Variants in FAM91A1 observed in about 807,000 individuals in gnomAD.
The protein encoded by FAM91A1 is protein FAM91A1.
A neutral mutation model predicts 113.5 loss-of-function variants in FAM91A1; 41 were observed. That is an observed-to-expected ratio of 0.36 (90% CI 0.28 to 0.47). The LOEUF (loss-of-function observed/expected upper bound fraction) is 0.47, where lower values mean the gene tolerates loss of function less well. Among genes scored for constraint, FAM91A1 ranks in the 20% least tolerant of loss-of-function variants. The pLI is 1.00. For missense variants in FAM91A1, 696 were observed against 1,001.2 expected, an observed-to-expected ratio of 0.70 and a Z score of 4.11; for synonymous variants, 307 against 347.9, an observed-to-expected ratio of 0.88 and a Z score of 1.31.
chr8:123,807,594 G>A (rs1466535116), intron 20 of FAM91A1, among the ~76,000 whole-genome samples: 1 of 152,134 alleles, frequency 6.6e-6, no homozygotes, highest in African/African-American at 2.4e-5. Context: ...GACTATGATG[G>A]GGTCTGCATA....
chr8:123,776,512 G>A (rs1814987529), intron 3 of FAM91A1, among the ~76,000 whole-genome samples: 1 of 152,234 alleles, frequency 6.6e-6, no homozygotes, highest in South Asian at 2.1e-4. Flanking sequence ...AGGTAGCATA[G>A]TGAAGAACCA....
chr8:123,776,572 C>A (rs969331791), intron 3 of FAM91A1, among the ~76,000 whole-genome samples: 3 of 152,190 alleles, frequency 2.0e-5, no homozygotes, highest in Non-Finnish European at 4.4e-5. Flanking sequence ...ATAGTTACTG[C>A]TGTCTCTTTA....
intron 19 of FAM91A1, 21 bp downstream of exon 19, chr8:123,805,360 A>G (rs748825215): frequency 7.2e-6 from 11 of 1,528,294 alleles, no homozygotes; most frequent in Admixed American, 1.9e-5. Flanking sequence ...AATTGTATCT[A>G]TTGACTTTTT....
chr8:123,785,113 G>C lies in FAM91A1; in HGVS notation c.843G>C (p.Leu281=). 6.3e-7 allele frequency: 1 copy of C among 1,588,164 alleles called. No homozygotes were observed. Among genetic ancestry groups the C allele is most frequent in the Non-Finnish European group, 8.5e-7 (1 of 1,171,082 alleles). ...ATGTCCTTGAGATTGACTTATCCCTGGTTAAGGTATGTTATTTTTATACTC... is the reference window on the plus strand; with the variant it reads ...ATGTCCTTGAGATTGACTTATCCCTCGTTAAGGTATGTTATTTTTATACTC... ...LANVLEIDLS[L]VKNAVSMYCR... Residue 281 remains leucine, a synonymous_variant, in exon 10 of 24, where the codon CTG becomes CTC. Coordinates refer to ENST00000334705, the MANE Select transcript of FAM91A1 (RefSeq NM_144963.4).
chr8:123,770,176 A>G (rs1814806927), intron 1 of FAM91A1, among the ~76,000 whole-genome samples: 2 of 152,056 alleles, frequency 1.3e-5, no homozygotes, highest in Admixed American at 6.5e-5. Flanking sequence ...TGGTCTCGAT[A>G]TCTTGACCTC....
chr8:123,787,879 TC>T, intron 14 of FAM91A1, 129 bp downstream of exon 14: 2 of 639,066 alleles, frequency 3.1e-6, no homozygotes, highest in Non-Finnish European at 2.5e-6. Context: ...CCTACCTCAT[TC>T]CCCAAATTAG....
chr8:123,812,410 C>CAA, intron 23 of FAM91A1, 109 bp from the exon 24 acceptor site: 1 of 749,286 alleles, frequency 1.3e-6, no homozygotes, highest in Non-Finnish European at 1.9e-6. Context: ...TACTGCTTTG[C>CAA]AATCCATAAA....
At chr8:123,807,054 C>G (rs932607099) in intron 20 of FAM91A1, among the ~76,000 whole-genome samples, 13 of 151,986 alleles carry the variant, frequency 8.6e-5, no homozygotes, top group Admixed American at 6.6e-4. Flanking sequence ...TCATTATCTC[C>G]CATTGATTGA....
chr8:123,776,198 GT>G (rs1269256073), intron 3 of FAM91A1, among the ~76,000 whole-genome samples: 1 of 152,262 alleles, frequency 6.6e-6, no homozygotes, highest in East Asian at 1.9e-4. Flanking sequence ...GTTATATACT[GT>G]TTTCAAGTGA....
rs996916104 is a variant in FAM91A1, at chr8:123,777,349, G to T, written c.367+27G>T. On this transcript the variant is annotated intron_variant, in intron 4 of 23. Transcript: ENST00000334705. ...TAAGTATTTAATTGTGCTGAAGAAG[G>T]TAATGTTTAGGTTGTGTCTTTGTGC... The T allele has an allele frequency of 4.4e-6, 7 of 1,599,292 alleles. No homozygotes were observed. The African/African-American group carries it at 6.7e-5, about 15-fold the overall frequency.
intron 22 of FAM91A1, 83 bp from the exon 23 acceptor site, chr8:123,810,199 A>G (rs17351672): frequency 0.028 from 38,248 of 1,345,278 alleles, 668 homozygotes; most frequent in Non-Finnish European, 0.032. Flanking sequence ...ATGCATTTAA[A>G]TTGCTAAAAT....
intron 15 of FAM91A1, among the ~76,000 whole-genome samples, chr8:123,792,334 A>G (rs1225245050): frequency 6.6e-6 from 1 of 152,182 alleles, no homozygotes; most frequent in Non-Finnish European, 1.5e-5. Context: ...ATACAAGCAA[A>G]CTCTGTTATA....
intron 20 of FAM91A1, 99 bp from the exon 21 acceptor site, chr8:123,808,173 T>A: frequency 1.1e-6 from 1 of 931,104 alleles, no homozygotes; most frequent in Non-Finnish European, 1.6e-6. Flanking sequence ...TCTGTCATCA[T>A]TACTATTGTC....
chr8:123,801,364 T>A (rs969796183), intron 18 of FAM91A1, among the ~76,000 whole-genome samples: 12 of 152,198 alleles, frequency 7.9e-5, no homozygotes, highest in African/African-American at 2.4e-4. Flanking sequence ...CAAACACTTA[T>A]AATAATGGCA....
At chr8:123,779,778 C>G (rs72715029) in intron 6 of FAM91A1, among the ~76,000 whole-genome samples, 2,341 of 152,198 alleles carry the variant, frequency 0.015, 35 homozygotes, top group Middle Eastern at 0.024. Flanking sequence ...TAAGTTTGTT[C>G]TCTACATTCT....
Position 123,806,089 on chromosome 8 carries a change from G to C in FAM91A1, c.1892G>C (p.Arg631Pro). Residue 631 changes from arginine (R) to proline (P), a missense_variant, in exon 20 of 24, where the codon CGT (arginine) becomes CCT (proline). Coordinates refer to ENST00000334705, the MANE Select transcript of FAM91A1 (RefSeq NM_144963.4). The part of the protein sequence containing the change: ...DETELQGEFT[R>P]VNMGVHKALQ... ...TCCGTTCTGTTTGTAGAGTTCACTC[G>C]TGTCAATATGGGTGTTCATAAAGCA... is the stretch of plus-strand genomic sequence containing the variant. 1 of 1,589,906 alleles carries C rather than the reference G, an allele frequency of 6.3e-7. No individual in the cohort carries two copies. Among genetic ancestry groups the C allele is most frequent in the Non-Finnish European group, 8.6e-7 (1 of 1,165,664 alleles).
chr8:123,782,247 C>G (rs955932199), intron 8 of FAM91A1, among the ~76,000 whole-genome samples: 3 of 152,122 alleles, frequency 2.0e-5, no homozygotes, highest in Admixed American at 6.5e-5. Flanking sequence ...ACAGACAGAC[C>G]CATGGGATGA....
intron 2 of FAM91A1, 123 bp downstream of exon 2, chr8:123,774,287 T>C (rs1383327764): frequency 5.2e-5 from 33 of 638,142 alleles, no homozygotes; most frequent in East Asian, 2.4e-4. Context: ...TTTAAGAAAC[T>C]CTACACTGAT....
chr8:123,792,337 CTG>C (rs1170172939), intron 15 of FAM91A1, among the ~76,000 whole-genome samples: 1 of 152,176 alleles, frequency 6.6e-6, no homozygotes, highest in Non-Finnish European at 1.5e-5. Flanking sequence ...CAAGCAAACT[CTG>C]TTATACATGG....
Sources: gnomAD v4.1 joint callset for allele counts (sites outside exome capture counted in the v4.1 genomes callset) on GRCh38, gnomAD v4.1.1 for gene constraint, MANE v1.5 for transcripts, NCBI Gene and HGNC (gene_info 2026-07-23, HGNC 2026-07-21) for gene names.